Variants in IKZF3 observed in about 807,000 individuals in gnomAD.
The protein encoded by IKZF3 is IKAROS family zinc finger 3, also known as zinc finger protein Aiolos.
A neutral mutation model predicts 49.0 loss-of-function variants in IKZF3; 10 were observed. That is an observed-to-expected ratio of 0.20 (90% CI 0.13 to 0.35). The LOEUF is 0.35. Ranked by LOEUF, IKZF3 falls within the 10% of genes least tolerant of loss-of-function variation. The pLI is 1.00. For missense variants in IKZF3, 498 were observed against 664.8 expected (o/e 0.75, Z 2.76); for synonymous variants, 209 against 228.2 (o/e 0.92, Z 0.76).
intron 1 of IKZF3, chr17:39,835,772 T>A: frequency 2.0e-6 from 1 of 508,970 alleles, no homozygotes; most frequent in South Asian, 1.6e-5. Flanking sequence ...CAGGTAAGAC[T>A]CCATCCAGCT....
intron 3 of IKZF3, among the ~76,000 whole-genome samples, chr17:39,796,476 C>G (rs1376603198): frequency 2.0e-5 from 3 of 151,890 alleles, no homozygotes; most frequent in African/African-American, 7.3e-5. Context: ...TTTTCCTTTC[C>G]TTTTGCAATT....
chr17:39,790,894 T>TAA (rs563957346), intron 5 of IKZF3, among the ~76,000 whole-genome samples: 8 of 134,834 alleles, frequency 5.9e-5, no homozygotes, highest in Admixed American at 7.5e-5. Context: ...CATGTTTATT[T>TAA]AAAAAAAAAA....
chr17:39,827,825 T>C (rs66763967), intron 3 of IKZF3, among the ~76,000 whole-genome samples: 8,739 of 152,256 alleles, frequency 0.057, 382 homozygotes, highest in African/African-American at 0.12. Flanking sequence ...AGTAGTAGTT[T>C]GATAGATATC....
intron 3 of IKZF3, among the ~76,000 whole-genome samples, chr17:39,823,673 G>A (rs567801918): frequency 2.0e-5 from 3 of 152,290 alleles, no homozygotes; most frequent in East Asian, 1.9e-4. Context: ...TGCTCCAGCT[G>A]CATCTAAAAG....
intron 7 of IKZF3, among the ~76,000 whole-genome samples, chr17:39,776,761 A>G (rs1567967376): frequency 6.6e-6 from 1 of 152,276 alleles, no homozygotes; most frequent in Non-Finnish European, 1.5e-5. Flanking sequence ...GCTATTGAGA[A>G]GAATAAATAC....
chr17:39,851,800 CTTAAT>C (rs1365888125), intron 1 of IKZF3, among the ~76,000 whole-genome samples: 2 of 151,996 alleles, frequency 1.3e-5, no homozygotes, highest in African/African-American at 4.8e-5. Context: ...TATGTTATTC[CTTAAT>C]TTAAAGAAAA....
At position 39,792,951 on chromosome 17, in the gene IKZF3, C is replaced by T. The variant is rs1237555853; in HGVS notation, c.164-18G>A. The T allele has an allele frequency of 1.2e-6, 2 of 1,607,864 alleles. No individual in the cohort carries two copies. The highest frequency in any genetic ancestry group is 1.7e-6 in the Non-Finnish European group (2 of 1,177,108). On this transcript the variant is annotated intron_variant, in intron 3 of 7. Coordinates refer to ENST00000346872, the MANE Select transcript of IKZF3 (RefSeq NM_012481.5). ...TGAATCATCTGCAGGGAAGAAAATG[C>T]AAGAAATGAACAACGACTATACTTG... is the stretch of plus-strand genomic sequence containing the variant.
At chr17:39,849,525 G>A (rs1342551102) in intron 1 of IKZF3, among the ~76,000 whole-genome samples, 2 of 152,108 alleles carry the variant, frequency 1.3e-5, no homozygotes, top group Non-Finnish European at 2.9e-5. Context: ...CAGGTGGGGC[G>A]GTAGTCACCT....
chr17:39,855,901 ATAAG>A (rs773174184), intron 1 of IKZF3, among the ~76,000 whole-genome samples: 12 of 152,090 alleles, frequency 7.9e-5, no homozygotes, highest in Non-Finnish European at 1.6e-4. Context: ...CAACTTTATT[ATAAG>A]TATTTAAGAT....
chr17:39,852,950 GAC>G (rs1352821019), intron 1 of IKZF3, among the ~76,000 whole-genome samples: 12 of 152,060 alleles, frequency 7.9e-5, no homozygotes, highest in Non-Finnish European at 1.5e-5. Context: ...CAGCCTGGGT[GAC>G]AGAGTGAGAC....
rs1365579961 is a variant in IKZF3 at position 39,765,088 on chromosome 17, C to T, written c.*702G>A. The T allele has an allele frequency of 1.3e-5, 2 of 152,298 alleles. No individual in the cohort carries two copies. Among genetic ancestry groups the T allele is most frequent in the Non-Finnish European group, 2.9e-5 (2 of 68,046 alleles). 9.4% of individuals were successfully genotyped at this position (152,298 alleles called of 1,614,324 possible). ...TGGTCTATATTTAAAACCATGAGTT[C>T]TTCTGGCATAGATTTTCTTCTATAG... On this transcript the variant is annotated 3_prime_UTR_variant, in exon 8 of 8. Coordinates refer to ENST00000346872, the MANE Select transcript of IKZF3 (RefSeq NM_012481.5).
chr17:39,813,692 C>T (rs1374989500), intron 3 of IKZF3, among the ~76,000 whole-genome samples: 1 of 151,948 alleles, frequency 6.6e-6, no homozygotes, highest in Non-Finnish European at 1.5e-5. Flanking sequence ...CAGAACTTAC[C>T]CGTTTGACAC....
Position 39,788,266 on chromosome 17 carries a change from C to G in IKZF3, c.701G>C (p.Gly234Ala), listed in dbSNP as rs112301322. 0.03 allele frequency: 47,995 copies of G among 1,609,458 alleles called. 868 individuals carry two copies. The highest frequency in any genetic ancestry group is 0.034 in the Non-Finnish European group (40,217 of 1,175,884). Reference sequence around the variant, plus strand: ...GTGTTGCGTGAACTCACCAGTGTCCCCTGGGTCAGTGCTCTGAAGAAATGT... The same window carrying G: ...GTGTTGCGTGAACTCACCAGTGTCCGCTGGGTCAGTGCTCTGAAGAAATGT... ...CRTFLQSTDP[G>A]DTASAEARHI... is the part of the protein sequence containing the mutation. The change falls in exon 6 of 8, where the codon GGG (glycine) becomes GCG (alanine). Residue 234 changes from glycine to alanine, a missense_variant. Coordinates refer to ENST00000346872, the MANE Select transcript of IKZF3 (RefSeq NM_012481.5).
intron 6 of IKZF3, among the ~76,000 whole-genome samples, chr17:39,784,684 G>A (rs34869948): frequency 0.02 from 3,083 of 152,236 alleles, 107 homozygotes; most frequent in African/African-American, 0.071. Flanking sequence ...TTACAGGCGC[G>A]ACCCACCGCG....
At chr17:39,842,676 A>C (rs977101232) in intron 1 of IKZF3, among the ~76,000 whole-genome samples, 1 of 152,250 alleles carries the variant, frequency 6.6e-6, no homozygotes, top group Non-Finnish European at 1.5e-5. Flanking sequence ...ATTCATGTAC[A>C]AATTCATGAG....
At chr17:39,823,953 G>A (rs941768719) in intron 3 of IKZF3, among the ~76,000 whole-genome samples, 9 of 152,202 alleles carry the variant, frequency 5.9e-5, no homozygotes, top group Non-Finnish European at 1.0e-4. Context: ...CTGGAACACC[G>A]TGTAGTGGAG....
chr17:39,785,075 T>C (rs987728137), intron 6 of IKZF3, among the ~76,000 whole-genome samples: 3 of 152,168 alleles, frequency 2.0e-5, no homozygotes, highest in Non-Finnish European at 4.4e-5. Context: ...AGATGTACTA[T>C]ACTGCTCAGG....
In IKZF3 at chr17:39,766,437, C is replaced by G; in HGVS notation, c.883G>C (p.Glu295Gln). The change falls in exon 8 of 8, where the codon GAG (glutamate) becomes CAG (glutamine). Residue 295 changes from glutamate to glutamine, a missense_variant. By Grantham distance (29) the Glu-to-Gln change is conservative. Coordinates refer to ENST00000346872, the MANE Select transcript of IKZF3 (RefSeq NM_012481.5). ...NYNSSYMYEK[E>Q]SELIQTRMMD... ...ATGCGGGTCTGTATGAGCTCACTCT[C>G]TTTCTCATACATGTAACTTGAATTA... is the stretch of plus-strand genomic sequence containing the variant. The G allele has an allele frequency of 1.9e-6, 3 of 1,614,038 alleles. No individual in the cohort carries two copies. The highest frequency in any genetic ancestry group is 2.5e-6 in the Non-Finnish European group (3 of 1,180,024).
chr17:39,825,999 T>C (rs1366512263), intron 3 of IKZF3, among the ~76,000 whole-genome samples: 1 of 152,204 alleles, frequency 6.6e-6, no homozygotes, highest in East Asian at 1.9e-4. Flanking sequence ...CAGTGCCCTA[T>C]AAAGTAGTCT....
Sources: gnomAD v4.1 joint callset for allele counts (sites outside exome capture counted in the v4.1 genomes callset) on GRCh38, gnomAD v4.1.1 for gene constraint, MANE v1.5 for transcripts, NCBI Gene and HGNC (gene_info 2026-07-23, HGNC 2026-07-21) for gene names.